Variants in MET observed in about 807,000 individuals in gnomAD.
The protein encoded by MET is MET proto-oncogene, receptor tyrosine kinase.
Under a neutral mutation model 133.1 loss-of-function variants are expected in MET, and 48 were observed. That is an observed-to-expected ratio of 0.36 (90% CI 0.29 to 0.46). The LOEUF (loss-of-function observed/expected upper bound fraction) is 0.46, where lower values mean the gene tolerates loss of function less well. Ranked by LOEUF, MET falls within the 20% of genes least tolerant of loss-of-function variation. The pLI is 1.00. For synonymous variants in MET, 628 were observed against 616.5 expected (o/e 1.02, Z -0.28); for missense variants, 1,442 against 1,695.9 (o/e 0.85, Z 2.63).
chr7:116,673,267 T>C (rs1384662132), intron 1 of MET, among the ~76,000 whole-genome samples: 2 of 152,206 alleles, frequency 1.3e-5, no homozygotes, highest in African/African-American at 4.8e-5. Context: ...CATTCATATC[T>C]TTCATGTTTT....
At chr7:116,757,568 G>T (rs2116921897) in intron 7 of MET, 29 bp downstream of exon 7, 1 of 1,612,690 alleles carries the variant, frequency 6.2e-7, no homozygotes, top group African/African-American at 1.3e-5. Context: ...TATCATGTTT[G>T]ATTTTTACTT....
In MET at chr7:116,684,340, C is replaced by T. The variant is rs541497034; in HGVS notation, c.-15+11763C>T. ...TTTGTATATTGATTGATTCTGTTGT[C>T]CATTCATTCAATAAATGCTTACTAA... On this transcript the variant is annotated intron_variant, in intron 1 of 20. Transcript: ENST00000397752. Among the ~76,000 whole-genome samples, 8 of 152,224 alleles carry T rather than the reference C, an allele frequency of 5.3e-5. No homozygotes were observed. In the South Asian group the frequency reaches 1.0e-3, roughly 20 times the overall value.
intron 19 of MET, among the ~76,000 whole-genome samples, chr7:116,785,628 G>C (rs1247779257): frequency 6.6e-6 from 1 of 152,140 alleles, no homozygotes; most frequent in Non-Finnish European, 1.5e-5. Context: ...GATTTGAATG[G>C]GGACACAAAT....
At chr7:116,680,710 G>A (rs1192576002) in intron 1 of MET, among the ~76,000 whole-genome samples, 5 of 152,162 alleles carry the variant, frequency 3.3e-5, no homozygotes, top group Non-Finnish European at 7.4e-5. Flanking sequence ...AGGAGGCCAA[G>A]GTGGGTGGAT....
rs1397743069 is a variant in MET at position 116,775,056 on chromosome 7, T to G, written c.3204T>G (p.His1068Gln). Reference sequence around the variant, plus strand: ...CAGAGCTGGTCCAGGCAGTGCAGCATGTAGTGATTGGGCCCAGTAGCCTGA... The same window carrying G: ...CAGAGCTGGTCCAGGCAGTGCAGCAGGTAGTGATTGGGCCCAGTAGCCTGA... Reference protein sequence around the residue: ...LNPELVQAVQHVVIGPSSLIV... With the variant: ...LNPELVQAVQQVVIGPSSLIV... The change falls in exon 15 of 21, where the codon CAT becomes CAG. Residue 1068 changes from histidine (H) to glutamine (Q), a missense_variant. His to Gln is a conservative substitution (Grantham distance 24). This residue lies in a region of MET where 514 missense variants were observed against 659.6 expected (regional missense o/e 0.78). Coordinates refer to ENST00000397752, the MANE Select transcript of MET (RefSeq NM_000245.4). 1 of 1,614,188 alleles carries G rather than the reference T, an allele frequency of 6.2e-7. No individual in the cohort carries two copies. The highest frequency in any genetic ancestry group is 1.7e-5 in the Admixed American group (1 of 60,028).
chr7:116,686,445 C>A (rs1044151782), intron 1 of MET, among the ~76,000 whole-genome samples: 8 of 152,194 alleles, frequency 5.3e-5, no homozygotes, highest in Non-Finnish European at 8.8e-5. Flanking sequence ...CCCAGCCCTA[C>A]TTTTTGTTTT....
intron 5 of MET, 149 bp downstream of exon 5, chr7:116,741,174 C>T: frequency 1.1e-6 from 1 of 889,770 alleles, no homozygotes. Flanking sequence ...AGCTGTGAGT[C>T]ATCAGCTAAA....
chr7:116,701,390 T>C (rs1791574508), intron 2 of MET, among the ~76,000 whole-genome samples: 1 of 152,198 alleles, frequency 6.6e-6, no homozygotes, highest in African/African-American at 2.4e-5. Context: ...CTCAGTAGCA[T>C]AAAGTATATA....
At chr7:116,754,550 A>G (rs896292491) in intron 5 of MET, among the ~76,000 whole-genome samples, 75 of 151,836 alleles carry the variant, frequency 4.9e-4, no homozygotes, top group Admixed American at 6.6e-4. Context: ...GCCAGGTCCA[A>G]TGGCTCATGC....
intron 3 of MET, 100 bp downstream of exon 3, chr7:116,731,959 C>T (rs1472301553): frequency 3.2e-5 from 38 of 1,172,644 alleles, no homozygotes; most frequent in Non-Finnish European, 4.6e-5. Flanking sequence ...ACTGTAAAGT[C>T]CAAATCATAG....
Position 116,797,599 on chromosome 7 carries a change from G to A in MET, c.*1475G>A, listed in dbSNP as rs1387014911. 4.4e-6 allele frequency: 1 copy of A among 225,464 alleles called. No homozygotes were observed. Among genetic ancestry groups the A allele is most frequent in the Non-Finnish European group, 8.8e-6 (1 of 113,018 alleles). The allele number at this position is 225,464 out of a possible 1,614,324, so 14.0% of individuals were successfully genotyped here. ...GTAGGTTACTCTAACTGGTTTTGTC[G>A]ACGTAAACATTTAAAGTGTTATATT... On this transcript the variant is annotated 3_prime_UTR_variant, in exon 21 of 21. Coordinates refer to ENST00000397752, the MANE Select transcript of MET (RefSeq NM_000245.4).
chr7:116,728,517 A>G (rs376584613), intron 2 of MET, among the ~76,000 whole-genome samples: 73 of 152,320 alleles, frequency 4.8e-4, no homozygotes, highest in Middle Eastern at 3.4e-3. Flanking sequence ...CCCTCCATTT[A>G]CAAAAGATCA....
chr7:116,688,441 G>A (rs1392879999), intron 1 of MET, among the ~76,000 whole-genome samples: 3 of 151,986 alleles, frequency 2.0e-5, no homozygotes, highest in Non-Finnish European at 4.4e-5. Context: ...CTTTACATTG[G>A]GGAAGTTCAA....
intron 5 of MET, among the ~76,000 whole-genome samples, chr7:116,746,786 C>T (rs1475092028): frequency 2.3e-4 from 8 of 34,420 alleles, no homozygotes; most frequent in Admixed American, 1.1e-3. Context: ...GTTGTGGGGT[C>T]GGGGGAGGGG....
At chr7:116,718,753 T>C (rs1200067402) in intron 2 of MET, among the ~76,000 whole-genome samples, 2 of 149,986 alleles carry the variant, frequency 1.3e-5, no homozygotes, top group Non-Finnish European at 3.0e-5. Context: ...TTTGGTTTTT[T>C]GTTCTTGCAA....
Position 116,740,031 on chromosome 7 carries a change from G to T in MET, c.1474G>T (p.Val492Leu). 2.5e-6 allele frequency: 4 copies of T among 1,614,064 alleles called. No homozygotes were observed. Among genetic ancestry groups the T allele is most frequent in the Non-Finnish European group, 3.4e-6 (4 of 1,179,930 alleles). The change falls in exon 4 of 21, where the codon GTG becomes TTG. Residue 492 changes from valine to leucine, a missense_variant. Transcript: ENST00000397752. ...CCATCCAGTGTCTCCAGAAGTGATTGTGGAGCATACATTAAACCAAAATGG... is the reference window on the plus strand; with the variant it reads ...CCATCCAGTGTCTCCAGAAGTGATTTTGGAGCATACATTAAACCAAAATGG... ...DSHPVSPEVI[V>L]EHTLNQNGYT...
Position 116,696,233 on chromosome 7 carries a change from C to G in MET, c.-14-2838C>G, listed in dbSNP as rs961520938. Among the ~76,000 whole-genome samples the G allele has an allele frequency of 3.3e-5, 5 of 152,148 alleles. No individual in the cohort carries two copies. In the East Asian group the frequency reaches 9.6e-4, roughly 29 times the overall value. ...TAGCATCATTTCCAGTCGAGTTGGT[C>G]TCCCTTCCTCTGCATTCTGATAACT... On this transcript the variant is annotated intron_variant, in intron 1 of 20. Transcript: ENST00000397752.
rs1158735034 is a variant in MET at position 116,795,994 on chromosome 7, A to G, written c.4043A>G (p.His1348Arg). 6.2e-7 allele frequency: 1 copy of G among 1,614,000 alleles called. No individual in the cohort carries two copies. The highest frequency in any genetic ancestry group is 2.2e-5 in the East Asian group (1 of 44,866). ...SAIFSTFIGE[H>R]YVHVNATYVN... The stretch of plus-strand genomic sequence containing the variant: ...ATCTTCTCTACTTTCATTGGGGAGC[A>G]CTATGTCCATGTGAACGCTACTTAT... Residue 1348 changes from histidine to arginine, a missense_variant, in exon 21 of 21, where the codon CAC becomes CGC. Around this residue, in one of 6 missense-constraint regions of MET, gnomAD observed 94 missense variants for 109.5 expected, o/e 0.86. Coordinates refer to ENST00000397752, the MANE Select transcript of MET (RefSeq NM_000245.4).
At position 116,755,356 on chromosome 7, in the gene MET, T is replaced by C; in HGVS notation, c.1703T>C (p.Val568Ala). Residue 568 changes from valine (V) to alanine (A), a missense_variant and splice_region_variant, in exon 6 of 21, where the codon GTT becomes GCT. This residue lies in a region of MET where 762 missense variants were observed against 792.4 expected (regional missense o/e 0.96). Coordinates refer to ENST00000397752, the MANE Select transcript of MET (RefSeq NM_000245.4). ...AAAAGTTCTATGTTGTCCTTGTAGG[T>C]TTTCCCAAATAGTGCACCCCTTGAA... ...QQICLPAIYK[V>A]FPNSAPLEGG... 2 of 1,614,028 alleles carry C rather than the reference T, an allele frequency of 1.2e-6. No individual in the cohort carries two copies. The highest frequency in any genetic ancestry group is 1.7e-6 in the Non-Finnish European group (2 of 1,179,952).
Sources: gnomAD v4.1 joint callset for allele counts (sites outside exome capture counted in the v4.1 genomes callset) on GRCh38, gnomAD v4.1.1 for gene constraint, gnomAD v4.1.1 regional missense constraint, MANE v1.5 for transcripts, NCBI Gene and HGNC (gene_info 2026-07-23, HGNC 2026-07-21) for gene names.